The following LAMC1 variants were observed in gnomAD, a reference collection of about 807,000 sequenced individuals.
LAMC1 encodes the protein laminin subunit gamma 1.
A neutral mutation model predicts 173.6 loss-of-function variants in LAMC1; 38 were observed. That is an observed-to-expected ratio of 0.22 (90% confidence interval 0.17 to 0.29). The LOEUF (loss-of-function observed/expected upper bound fraction) is 0.29. Among genes scored for constraint, LAMC1 ranks in the 10% least tolerant of loss-of-function variants. The probability of loss-of-function intolerance (pLI) is 1.00; values close to 1 mark genes in which losing one functional copy is unlikely to be tolerated. For missense variants in LAMC1, 1,824 were observed against 2,051.8 expected, an observed-to-expected ratio of 0.89 and a Z score of 2.14; for synonymous variants, 746 against 749.1, an observed-to-expected ratio of 1.00 and a Z score of 0.07.
At position 183,116,656 on chromosome 1, in the gene LAMC1, G is replaced by A. The variant is rs766744194; in HGVS notation, c.1408G>A (p.Glu470Lys). The A allele has an allele frequency of 2.5e-5, 41 of 1,612,976 alleles. No individual in the cohort carries two copies. Among genetic ancestry groups the A allele is most frequent in the Middle Eastern group, 1.6e-4 (1 of 6,084 alleles). ...AAGATGTGTTTGCAAAGACAATGTC[G>A]AAGGCTTCAATTGTGAAAGGTAGTG... is the stretch of plus-strand genomic sequence containing the variant. Reference protein sequence around the residue: ...TGRCVCKDNVEGFNCERCKPG... With the variant: ...TGRCVCKDNVKGFNCERCKPG... The change falls in exon 7 of 28, where the codon GAA becomes AAA. Residue 470 changes from glutamate (E) to lysine (K), a missense_variant. Coordinates refer to ENST00000258341, the MANE Select transcript of LAMC1 (RefSeq NM_002293.4).
At chr1:183,049,069 G>C (rs886499546) in intron 1 of LAMC1, among the ~76,000 whole-genome samples, 7 of 152,120 alleles carry the variant, frequency 4.6e-5, no homozygotes, top group Admixed American at 2.6e-4. Flanking sequence ...AGAAATGTTT[G>C]CTGATATTTC....
At chr1:183,131,602 A>G (rs898727790) in intron 20 of LAMC1, among the ~76,000 whole-genome samples, 1 of 152,188 alleles carries the variant, frequency 6.6e-6, no homozygotes, top group Non-Finnish European at 1.5e-5. Context: ...TGAATATTAG[A>G]ATACAATGGT....
chr1:183,086,438 T>C (rs1362700955), intron 1 of LAMC1, among the ~76,000 whole-genome samples: 1 of 152,236 alleles, frequency 6.6e-6, no homozygotes, highest in Non-Finnish European at 1.5e-5. Flanking sequence ...ATTCATCCTT[T>C]CTTGCTACTA....
chr1:183,042,884 C>T (rs1204182315), intron 1 of LAMC1, among the ~76,000 whole-genome samples: 2 of 152,144 alleles, frequency 1.3e-5, no homozygotes, highest in East Asian at 1.9e-4. Context: ...GTCTATCTGC[C>T]TCGGAGGAGC....
chr1:183,120,167 CAAAA>C (rs55642592), intron 11 of LAMC1, among the ~76,000 whole-genome samples: 4 of 64,726 alleles, frequency 6.2e-5, no homozygotes, highest in Non-Finnish European at 8.3e-5. Flanking sequence ...GGATCTATCT[CAAAA>C]AAAAAAAAAA....
chr1:183,085,537 GT>G (rs796187997), intron 1 of LAMC1, among the ~76,000 whole-genome samples: 4 of 147,914 alleles, frequency 2.7e-5, no homozygotes, highest in African/African-American at 7.4e-5. Context: ...TAATTTTTGT[GT>G]TTTTTTTTTC....
At chr1:183,028,939 A>G (rs1653766210) in intron 1 of LAMC1, among the ~76,000 whole-genome samples, 1 of 152,246 alleles carries the variant, frequency 6.6e-6, no homozygotes. Context: ...TCCAGAGACC[A>G]TATTCAAAAC....
chr1:183,044,882 C>T (rs945743887), intron 1 of LAMC1, among the ~76,000 whole-genome samples: 1 of 150,580 alleles, frequency 6.6e-6, no homozygotes, highest in Non-Finnish European at 1.5e-5. Context: ...TTAAACGTTT[C>T]TGTTATATTA....
At chr1:183,093,836 C>A (rs1655626838) in intron 1 of LAMC1, among the ~76,000 whole-genome samples, 3 of 152,150 alleles carry the variant, frequency 2.0e-5, no homozygotes, top group Admixed American at 2.0e-4. Flanking sequence ...TGGTTTGTTC[C>A]ACCCTCAAAA....
intron 1 of LAMC1, among the ~76,000 whole-genome samples, chr1:183,079,946 A>G (rs1362426387): frequency 6.6e-6 from 1 of 152,210 alleles, no homozygotes; most frequent in Non-Finnish European, 1.5e-5. Context: ...GACAATGTCA[A>G]AAACGTGTTT....
At chr1:183,094,910 G>A (rs1238521554) in intron 1 of LAMC1, among the ~76,000 whole-genome samples, 1 of 146,262 alleles carries the variant, frequency 6.8e-6, no homozygotes, top group African/African-American at 2.5e-5. Context: ...ACAGTAACAC[G>A]ATCTCAGCTC....
At chr1:183,139,039 G>A (rs549258318) in intron 26 of LAMC1, among the ~76,000 whole-genome samples, 21 of 151,848 alleles carry the variant, frequency 1.4e-4, no homozygotes, top group Non-Finnish European at 2.2e-4. Context: ...GGAAGACTCC[G>A]TCTCAAAAAA....
rs1364631812 is a variant in LAMC1 at position 183,140,396 on chromosome 1, C to T, written c.4474-8C>T. Reference sequence around the variant, plus strand: ...GTCAAGACTCTTTGCCTCATTTTTCCCTTACAGGCTTCACAGGCTGCTCAA... The same window carrying T: ...GTCAAGACTCTTTGCCTCATTTTTCTCTTACAGGCTTCACAGGCTGCTCAA... On this transcript the variant is annotated splice_region_variant and splice_polypyrimidine_tract_variant and intron_variant, in intron 26 of 27. Transcript: ENST00000258341. The T allele has an allele frequency of 2.5e-6, 4 of 1,596,922 alleles. No individual in the cohort carries two copies. Among genetic ancestry groups the T allele is most frequent in the East Asian group, 2.2e-5 (1 of 44,504 alleles).
At chr1:183,051,160 A>G (rs931028090) in intron 1 of LAMC1, among the ~76,000 whole-genome samples, 2 of 151,850 alleles carry the variant, frequency 1.3e-5, no homozygotes, top group African/African-American at 4.8e-5. Flanking sequence ...ATGCTTTGAC[A>G]CTCCTCCTTT....
intron 20 of LAMC1, 56 bp downstream of exon 20, chr1:183,131,434 T>TGTGTGTGTGTGTGTGA: frequency 1.1e-6 from 1 of 933,890 alleles, no homozygotes; most frequent in Non-Finnish European, 1.7e-6. Context: ...ATGGGGTGTG[T>TGTGTGTGTGTGTGTGA]GTGTGTGTGT....
Position 183,114,657 on chromosome 1 carries a change from G to T in LAMC1, c.1148G>T (p.Arg383Leu). 6.2e-7 allele frequency: 1 copy of T among 1,614,178 alleles called. No individual in the cohort carries two copies. Among genetic ancestry groups the T allele is most frequent in the Non-Finnish European group, 8.5e-7 (1 of 1,180,024 alleles). The stretch of plus-strand genomic sequence containing the variant: ...GATGGCGCCCACTGTGAGAGGTGCC[G>T]AGAGAACTTCTTCCGCCTTGGCAAC... ...NTDGAHCERC[R>L]ENFFRLGNNE... is the part of the protein sequence containing the mutation. The change falls in exon 5 of 28, where the codon CGA becomes CTA. Residue 383 changes from arginine to leucine, a missense_variant. Arg to Leu is a moderately radical substitution (Grantham distance 102). Transcript: ENST00000258341.
intron 1 of LAMC1, among the ~76,000 whole-genome samples, chr1:183,042,655 C>T (rs193222063): frequency 1.2e-3 from 178 of 152,306 alleles, no homozygotes; most frequent in Non-Finnish European, 2.2e-3. Context: ...ATAGGGACCA[C>T]GCTCACTGTG....
intron 24 of LAMC1, among the ~76,000 whole-genome samples, chr1:183,135,906 AAAAG>A (rs1256376071): frequency 2.6e-5 from 4 of 151,550 alleles, no homozygotes; most frequent in Non-Finnish European, 5.9e-5. Flanking sequence ...AAAAAAAAAA[AAAAG>A]TAGTAGTTCA....
rs368803570 is a variant in LAMC1 at position 183,110,507 on chromosome 1, G to A, written c.874G>A (p.Ala292Thr). Residue 292 changes from alanine (A) to threonine (T), a missense_variant, in exon 4 of 28, where the codon GCA becomes ACA. Coordinates refer to ENST00000258341, the MANE Select transcript of LAMC1 (RefSeq NM_002293.4). ...VGGRCKCNGH[A>T]SECMKNEFDK... is the part of the protein sequence containing the mutation. Reference sequence around the variant, plus strand: ...CCCCAGATGTAAATGTAATGGACACGCAAGCGAGTGTATGAAGAACGAATT... The same window carrying A: ...CCCCAGATGTAAATGTAATGGACACACAAGCGAGTGTATGAAGAACGAATT... The A allele has an allele frequency of 3.7e-6, 6 of 1,612,652 alleles. No individual in the cohort carries two copies. Among genetic ancestry groups the A allele is most frequent in the African/African-American group, 1.3e-5 (1 of 74,974 alleles).
Sources: allele counts gnomAD v4.1 joint callset (sites outside exome capture counted in the v4.1 genomes callset), GRCh38; gene constraint gnomAD v4.1.1; transcripts MANE v1.5; gene names NCBI Gene and HGNC (gene_info 2026-07-23, HGNC 2026-07-21).